The following TMTC2 variants were observed in gnomAD, a reference collection of about 807,000 sequenced individuals.
TMTC2 encodes the protein transmembrane O-mannosyltransferase targeting cadherins 2.
A neutral mutation model predicts 82.4 loss-of-function variants in TMTC2; 43 were observed. That is an observed-to-expected ratio of 0.52 (90% CI 0.41 to 0.67). The LOEUF (loss-of-function observed/expected upper bound fraction) is 0.67, where lower values mean the gene tolerates loss of function less well. Among genes scored for constraint, TMTC2 ranks in the 30% least tolerant of loss-of-function variants. TMTC2 has a pLI of 0.00. For missense variants in TMTC2, 919 were observed against 1,012.4 expected (o/e 0.91, Z 1.25); for synonymous variants, 408 against 381.9 (o/e 1.07, Z -0.80).
At chr12:82,804,818 A>G (rs1481148008) in intron 1 of TMTC2, among the ~76,000 whole-genome samples, 1 of 152,184 alleles carries the variant, frequency 6.6e-6, no homozygotes, top group African/African-American at 2.4e-5. Context: ...CCATTAGCAT[A>G]TAACAGGCAG....
intron 11 of TMTC2, among the ~76,000 whole-genome samples, chr12:83,086,061 T>C (rs1883645988): frequency 7.0e-6 from 1 of 143,064 alleles, no homozygotes; most frequent in African/African-American, 2.8e-5. Context: ...CTCTGATTGT[T>C]TTCTTTTTTT....
intron 10 of TMTC2, among the ~76,000 whole-genome samples, chr12:83,060,092 A>G (rs779173306): frequency 2.6e-5 from 4 of 151,688 alleles, no homozygotes; most frequent in Non-Finnish European, 4.4e-5. Flanking sequence ...TTCCTACCAA[A>G]CTAAAGTACT....
intron 9 of TMTC2, among the ~76,000 whole-genome samples, chr12:83,034,267 A>G (rs1881573194): frequency 6.6e-6 from 1 of 152,172 alleles, no homozygotes; most frequent in African/African-American, 2.4e-5. Context: ...TGATATTTGA[A>G]ATCTCTATGT....
chr12:82,778,693 C>T (rs1877723608), intron 1 of TMTC2, among the ~76,000 whole-genome samples: 1 of 151,446 alleles, frequency 6.6e-6, no homozygotes, highest in African/African-American at 2.4e-5. Context: ...ACTAAAAATA[C>T]AAAAAATTAG....
chr12:83,002,067 T>C (rs1372970389), intron 8 of TMTC2, among the ~76,000 whole-genome samples: 3 of 152,214 alleles, frequency 2.0e-5, no homozygotes, highest in African/African-American at 4.8e-5. Context: ...GCCAGCTCTT[T>C]GTACATCCAA....
intron 1 of TMTC2, among the ~76,000 whole-genome samples, chr12:82,849,504 G>A (rs1165764576): frequency 6.6e-6 from 1 of 152,068 alleles, no homozygotes; most frequent in Non-Finnish European, 1.5e-5. Context: ...TTTAAAAATA[G>A]ATATAGGAGC....
chr12:82,948,493 A>G (rs946589658), intron 4 of TMTC2, among the ~76,000 whole-genome samples: 1 of 152,248 alleles, frequency 6.6e-6, no homozygotes, highest in African/African-American at 2.4e-5. Context: ...AAATATATAT[A>G]TAGCTTCAGA....
chr12:82,694,461 G>A (rs187095023), intron 1 of TMTC2, among the ~76,000 whole-genome samples: 228 of 152,310 alleles, frequency 1.5e-3, no homozygotes, highest in Middle Eastern at 0.014. Context: ...CGTTTTAGAA[G>A]TACCTTAGTA....
At chr12:82,912,344 T>C (rs1376971321) in intron 3 of TMTC2, among the ~76,000 whole-genome samples, 1 of 152,120 alleles carries the variant, frequency 6.6e-6, no homozygotes, top group African/African-American at 2.4e-5. Flanking sequence ...CGTTTAATAT[T>C]TGGGGCTCTG....
intron 1 of TMTC2, among the ~76,000 whole-genome samples, chr12:82,726,017 A>G (rs1305322550): frequency 6.6e-6 from 1 of 152,212 alleles, no homozygotes; most frequent in African/African-American, 2.4e-5. Flanking sequence ...TTATGTTAAT[A>G]GAGATTCTTT....
At chr12:83,084,364 T>C (rs1883576564) in intron 11 of TMTC2, among the ~76,000 whole-genome samples, 1 of 152,330 alleles carries the variant, frequency 6.6e-6, no homozygotes, top group African/African-American at 2.4e-5. Flanking sequence ...ATTATATTAC[T>C]TTTAAAAACA....
chr12:82,687,645 G>C lies in TMTC2; in HGVS notation c.59G>C (p.Ser20Thr). 6.2e-7 allele frequency: 1 copy of C among 1,605,092 alleles called. No homozygotes were observed. The highest frequency in any genetic ancestry group is 2.2e-5 in the East Asian group (1 of 44,494). ...CTCGCCTTGTATCTCAACACCCTGA[G>C]TGCGGATTTCTGCTATGATGACAGG... ...LGLALYLNTL[S>T]ADFCYDDSRA... The change falls in exon 1 of 12, where the codon AGT becomes ACT. Residue 20 changes from serine (S) to threonine (T), a missense_variant. By Grantham distance (58) the Ser-to-Thr change is moderately conservative (BLOSUM62 1). Coordinates refer to ENST00000321196, the MANE Select transcript of TMTC2 (RefSeq NM_152588.3).
intron 1 of TMTC2, among the ~76,000 whole-genome samples, chr12:82,697,475 G>A (rs956957734): frequency 2.0e-5 from 3 of 152,000 alleles, no homozygotes; most frequent in Admixed American, 6.6e-5. Flanking sequence ...TTACAGATAA[G>A]CTATCTAAAT....
chr12:82,827,327 C>T (rs1869470849), intron 1 of TMTC2, among the ~76,000 whole-genome samples: 1 of 152,154 alleles, frequency 6.6e-6, no homozygotes, highest in South Asian at 2.1e-4. Context: ...CAAGCACCTA[C>T]TCCTTGACAA....
chr12:82,846,053 A>C (rs1461457123), intron 1 of TMTC2, among the ~76,000 whole-genome samples: 1 of 151,404 alleles, frequency 6.6e-6, no homozygotes, highest in Non-Finnish European at 1.5e-5. Context: ...CTACTTCCTC[A>C]TTTTCTCCTA....
chr12:83,130,160 T>C lies in TMTC2; in HGVS notation c.2332-2050T>C, dbSNP rs570554169. Among the ~76,000 whole-genome samples, 294 of 152,324 alleles carry C rather than the reference T, an allele frequency of 1.9e-3. 3 individuals are homozygous for C. Among genetic ancestry groups the C allele is most frequent in the African/African-American group, 6.6e-3 (273 of 41,576 alleles). On this transcript the variant is annotated intron_variant, in intron 11 of 11. Coordinates refer to ENST00000321196, the MANE Select transcript of TMTC2 (RefSeq NM_152588.3). ...CAGGATAGCAGGAATCTGAACATTG[T>C]ATCTACTTAGCATCTTTAGTAATTT...
chr12:82,723,967 C>A (rs1047231992), intron 1 of TMTC2, among the ~76,000 whole-genome samples: 2 of 152,156 alleles, frequency 1.3e-5, no homozygotes, highest in Non-Finnish European at 2.9e-5. Context: ...TCCAGGGTGA[C>A]CCTGGATAAA....
chr12:82,757,126 A>G (rs970352520), intron 1 of TMTC2, among the ~76,000 whole-genome samples: 3 of 152,180 alleles, frequency 2.0e-5, no homozygotes, highest in African/African-American at 7.2e-5. Context: ...GAAGCTGAAA[A>G]GTAAGTGGAT....
At position 82,775,408 on chromosome 12, in the gene TMTC2, C is replaced by T. The variant is rs142452078; in HGVS notation, c.84-81602C>T. On this transcript the variant is annotated intron_variant, in intron 1 of 11. Coordinates refer to ENST00000321196, the MANE Select transcript of TMTC2 (RefSeq NM_152588.3). ...GAGGCTGCATTGAACTATGATTGCA[C>T]CACTGTACACCAGCCTGGGCAACAG... Among the ~76,000 whole-genome samples, 185 of 152,014 alleles carry T rather than the reference C, an allele frequency of 1.2e-3. 1 individual carries two copies. Among genetic ancestry groups the T allele is most frequent in the Non-Finnish European group, 2.3e-3 (155 of 67,980 alleles).
Sources: gnomAD v4.1 joint callset for allele counts (sites outside exome capture counted in the v4.1 genomes callset) on GRCh38, gnomAD v4.1.1 for gene constraint, MANE v1.5 for transcripts, NCBI Gene and HGNC (gene_info 2026-07-23, HGNC 2026-07-21) for gene names.